The following RTL9 variants were observed in gnomAD, a reference collection of about 807,000 sequenced individuals.
RTL9 encodes retrotransposon Gag like 9.
RTL9 carries 19 observed loss-of-function variants against 44.7 expected under a neutral mutation model. The observed-to-expected ratio is 0.42, with a 90% confidence interval of 0.30 to 0.62. The LOEUF (loss-of-function observed/expected upper bound fraction) is 0.62, where lower values mean the gene tolerates loss of function less well. Among genes scored for constraint, RTL9 ranks in the 20% least tolerant of loss-of-function variants. RTL9 has a pLI of 0.16. For missense variants in RTL9, 1,105 were observed against 1,080.6 expected (o/e 1.02, Z -0.32); for synonymous variants, 407 against 398.9 (o/e 1.02, Z -0.24).
chrX:110,399,814 G>A (rs765936623), intron 1 of RTL9, among the ~76,000 whole-genome samples: 1 of 111,526 alleles, frequency 9.0e-6, no homozygotes, highest in East Asian at 2.8e-4. Flanking sequence ...TAACTAAGAG[G>A]GAGTTCTATG....
At chrX:110,361,352 T>C (rs748072977) in intron 1 of RTL9, among the ~76,000 whole-genome samples, 3 of 112,004 alleles carry the variant, frequency 2.7e-5, no homozygotes, top group Non-Finnish European at 5.6e-5. Context: ...CACAATGATC[T>C]GCTTCCTGGA....
intron 1 of RTL9, among the ~76,000 whole-genome samples, chrX:110,370,501 G>C (rs949349120): frequency 8.9e-6 from 1 of 112,411 alleles, no homozygotes. Context: ...GAGCCACTGC[G>C]CCCGGCCTAT....
At chrX:110,393,400 C>T (rs1055348293) in intron 1 of RTL9, among the ~76,000 whole-genome samples, 3 of 112,010 alleles carry the variant, frequency 2.7e-5, no homozygotes, top group African/African-American at 9.7e-5. Flanking sequence ...CTCTGATCCT[C>T]ACAACAGCCC....
exon 1 of RTL9, chrX:110,454,414 C>G (rs1303366925): frequency 8.3e-7 from 1 of 1,210,520 alleles, no homozygotes; most frequent in Non-Finnish European, 1.1e-6. Context: ...TTGTCTTGGT[C>G]TGATGCCATT....
exon 1 of RTL9, chrX:110,453,327 G>C (rs2068958211): frequency 8.3e-7 from 1 of 1,210,208 alleles, no homozygotes; most frequent in South Asian, 1.8e-5. Context: ...ACTAGTAAGA[G>C]CTCCAGCCTC....
At chrX:110,401,082 G>A (rs183293150) in intron 1 of RTL9, among the ~76,000 whole-genome samples, 8 of 112,246 alleles carry the variant, frequency 7.1e-5, no homozygotes, top group South Asian at 3.7e-4. Context: ...TTTCATCCTC[G>A]TTTTACAGAT....
intron 1 of RTL9, among the ~76,000 whole-genome samples, chrX:110,439,643 G>A (rs1330218972): frequency 8.9e-6 from 1 of 112,138 alleles, no homozygotes; most frequent in African/African-American, 3.2e-5. Context: ...CAAAGGACAG[G>A]TGGAGTTTCT....
chrX:110,443,970 A>G (rs2068895863), intron 1 of RTL9, among the ~76,000 whole-genome samples: 1 of 112,342 alleles, frequency 8.9e-6, no homozygotes, highest in Non-Finnish European at 1.9e-5. Context: ...GGAGAGGATC[A>G]AGGCTATGGA....
rs538812473 is a variant in RTL9, at chrX:110,413,514, AC to A, written c.-167-31630del. ...CTTTATAACCATCCCCTCCTGGTCA[AC>A]CCCCCCCCACCCCCACATTCAACGA... On this transcript the variant is annotated intron_variant, in intron 1 of 2. Transcript: ENST00000520821. Among the ~76,000 whole-genome samples the A allele has an allele frequency of 6.2e-4, 58 of 93,312 alleles. No homozygotes were observed. The South Asian group carries it at 8.9e-3, about 14-fold the overall frequency. The allele number at this position is 93,312 out of a possible 115,157, so 81.0% of individuals were successfully genotyped here. A position where few individuals can be genotyped will look rare whatever the true frequency, so the allele number is the denominator to read the frequency against.
chrX:110,362,553 C>T (rs2068271045), intron 1 of RTL9, among the ~76,000 whole-genome samples: 1 of 112,333 alleles, frequency 8.9e-6, no homozygotes, highest in African/African-American at 3.2e-5. Flanking sequence ...GCGACTGTTA[C>T]TCTTATGATA....
chrX:110,455,921 A>C (rs1225720299), exon 2 of RTL9: 2 of 112,847 alleles, frequency 1.8e-5, no homozygotes, highest in African/African-American at 6.5e-5. Context: ...GTATCATGTG[A>C]CAGGCATTGG....
intron 1 of RTL9, among the ~76,000 whole-genome samples, chrX:110,422,846 G>C (rs1018899277): frequency 8.9e-6 from 1 of 112,219 alleles, no homozygotes; most frequent in African/African-American, 3.2e-5. Context: ...TTGCCTTGGC[G>C]AACAGCCAAT....
exon 1 of RTL9, chrX:110,452,971 C>T: frequency 8.3e-7 from 1 of 1,211,421 alleles, no homozygotes; most frequent in Non-Finnish European, 1.1e-6. Context: ...TCACTGCTCA[C>T]AAGAGCTTCA....
At chrX:110,392,472 A>AAGGCCTTGCT (rs1381347476) in intron 1 of RTL9, among the ~76,000 whole-genome samples, 2 of 110,737 alleles carry the variant, frequency 1.8e-5, no homozygotes, top group Non-Finnish European at 3.8e-5. Context: ...TTGTAGAGAC[A>AAGGCCTTGCT]AGGCCTTGCT....
At chrX:110,390,270 T>C (rs1300083904) in intron 1 of RTL9, among the ~76,000 whole-genome samples, 1 of 112,266 alleles carries the variant, frequency 8.9e-6, no homozygotes, top group African/African-American at 3.2e-5. Flanking sequence ...ATCATATTTC[T>C]TTTAAACACA....
exon 1 of RTL9, chrX:110,452,866 C>A (rs1209585217): frequency 2.5e-6 from 3 of 1,211,506 alleles, no homozygotes; most frequent in Admixed American, 2.2e-5. Flanking sequence ...AATTCCCCAA[C>A]CTCTGATGTG....
At chrX:110,366,017 G>A (rs931352511) in intron 1 of RTL9, among the ~76,000 whole-genome samples, 3 of 111,679 alleles carry the variant, frequency 2.7e-5, no homozygotes, top group South Asian at 7.5e-4. Flanking sequence ...AGATAGAACC[G>A]AAATCTCTGC....
At chrX:110,388,908 G>T (rs1167308354) in intron 1 of RTL9, among the ~76,000 whole-genome samples, 1 of 112,412 alleles carries the variant, frequency 8.9e-6, no homozygotes, top group African/African-American at 3.2e-5. Context: ...GTGTGAACTG[G>T]CTAGGAAACC....
chrX:110,369,287 G>A (rs1188058777), intron 1 of RTL9, among the ~76,000 whole-genome samples: 4 of 111,229 alleles, frequency 3.6e-5, no homozygotes, highest in Non-Finnish European at 7.5e-5. Context: ...AGCAGAGATG[G>A]CACCACTGCA....
Sources: gnomAD v4.1 joint callset for allele counts (sites outside exome capture counted in the v4.1 genomes callset) on GRCh38, gnomAD v4.1.1 for gene constraint, MANE v1.5 for transcripts, NCBI Gene and HGNC (gene_info 2026-07-23, HGNC 2026-07-21) for gene names.